Variants in CCT4 observed in about 807,000 individuals in gnomAD.
The protein encoded by CCT4 is chaperonin containing TCP1 subunit 4.
In CCT4, 17 loss-of-function variants were observed where a neutral mutation model predicts 62.5. The ratio of observed to expected loss-of-function variants is 0.27; its 90% confidence interval spans 0.19 to 0.41. The LOEUF (loss-of-function observed/expected upper bound fraction) is 0.41. Among genes scored for constraint, CCT4 ranks in the 10% least tolerant of loss-of-function variants. The pLI, the probability that CCT4 is intolerant of heterozygous loss-of-function variation, is 1.00. For missense variants in CCT4, 592 were observed against 659.2 expected, an observed-to-expected ratio of 0.90 and a Z score of 1.12; for synonymous variants, 250 against 229.9, an observed-to-expected ratio of 1.09 and a Z score of -0.79.
At position 61,888,442 on chromosome 2, in the gene CCT4, G is replaced by C; in HGVS notation, c.66C>G (p.Gly22=). The C allele has an allele frequency of 6.2e-7, 1 of 1,611,810 alleles. No homozygotes were observed. The highest frequency in any genetic ancestry group is 8.5e-7 in the Non-Finnish European group (1 of 1,179,302). Residue 22 remains glycine (G), a synonymous_variant, in exon 1 of 14, where the codon GGC becomes GGG. Transcript: ENST00000394440. ...CTGGCTTGTCGCGGTCCTGATAGGC[G>C]CCTTTCCCGCGGCCGCCGGCAGCCC... The part of the protein sequence containing the change: ...TAGAAGGRGK[G]AYQDRDKPAQ...
intron 4 of CCT4, among the ~76,000 whole-genome samples, chr2:61,879,918 CTG>C (rs1194194935): frequency 6.6e-6 from 1 of 152,026 alleles, no homozygotes; most frequent in Non-Finnish European, 1.5e-5. Flanking sequence ...TTAGTAAAGA[CTG>C]TGTTTCACTG....
rs764531226 is a variant in CCT4 at position 61,880,420 on chromosome 2, G to A, written c.271-26C>T. On this transcript the variant is annotated intron_variant, in intron 3 of 13. Transcript: ENST00000394440. ...CTAAGTGAACAGAAAATGCCAAGTT[G>A]CTCAATGAGAAATGACAGAACCCAG... The A allele has an allele frequency of 7.5e-6, 10 of 1,332,352 alleles. No homozygotes were observed. In the East Asian group the frequency reaches 2.3e-4, roughly 31 times the overall value. The allele number at this position is 1,332,352 out of a possible 1,614,324, so 82.5% of individuals were successfully genotyped here.
intron 13 of CCT4, 98 bp from the exon 14 acceptor site, chr2:61,868,804 G>A: frequency 1.2e-6 from 1 of 857,048 alleles, no homozygotes; most frequent in Non-Finnish European, 2.0e-6. Flanking sequence ...CCTGTATTAA[G>A]AACTGCTGTC....
At chr2:61,872,934 G>T in intron 10 of CCT4, 68 bp downstream of exon 10, 1 of 942,276 alleles carries the variant, frequency 1.1e-6, no homozygotes, top group South Asian at 1.4e-5. Context: ...CTCAAAAAAA[G>T]AAAAAAAACA....
At chr2:61,880,497 G>A (rs2272429) in intron 3 of CCT4, 103 bp from the exon 4 acceptor site, 264,110 of 686,712 alleles carry the variant, frequency 0.38, 51,874 homozygotes, top group Middle Eastern at 0.48. Context: ...ATTTGAAGAT[G>A]CAACATGATT....
At chr2:61,882,513 GTTTC>G (rs540345968) in intron 3 of CCT4, among the ~76,000 whole-genome samples, 106 of 151,356 alleles carry the variant, frequency 7.0e-4, no homozygotes, top group Middle Eastern at 3.5e-3. Context: ...GGTGACTTGT[GTTTC>G]TTTCTTTTTT....
chr2:61,884,090 A>G (rs1417390512), intron 2 of CCT4, among the ~76,000 whole-genome samples: 1 of 147,308 alleles, frequency 6.8e-6, no homozygotes, highest in African/African-American at 2.4e-5. Flanking sequence ...AGAGACCCAC[A>G]TTAAGATACA....
intron 12 of CCT4, among the ~76,000 whole-genome samples, chr2:61,871,830 A>C (rs1668890568): frequency 6.6e-6 from 1 of 152,244 alleles, no homozygotes; most frequent in Admixed American, 6.5e-5. Context: ...GAGGAAACTG[A>C]GGAACAGACT....
At chr2:61,886,908 C>T (rs150534328) in intron 1 of CCT4, among the ~76,000 whole-genome samples, 17 of 152,180 alleles carry the variant, frequency 1.1e-4, no homozygotes, top group Non-Finnish European at 1.8e-4. Context: ...TACAGGCCTA[C>T]GCCAACACAC....
At chr2:61,873,894 T>C (rs1668941114) in intron 8 of CCT4, among the ~76,000 whole-genome samples, 1 of 151,934 alleles carries the variant, frequency 6.6e-6, no homozygotes. Context: ...AGAGACAGGG[T>C]CTCCCTATGT....
chr2:61,871,511 A>C (rs879945211), intron 12 of CCT4, among the ~76,000 whole-genome samples: 2 of 152,172 alleles, frequency 1.3e-5, no homozygotes, highest in Non-Finnish European at 2.9e-5. Flanking sequence ...ATCTTCATAA[A>C]GCCTTCCCTA....
chr2:61,868,126 A>G lies in CCT4; in HGVS notation c.*566T>C, dbSNP rs1373978008. Reference sequence around the variant, plus strand: ...TTTGTTTAAGTAAGATTTGCTACATATATGTATACACTTTTATTTGCAGAA... The same window carrying G: ...TTTGTTTAAGTAAGATTTGCTACATGTATGTATACACTTTTATTTGCAGAA... On this transcript the variant is annotated 3_prime_UTR_variant, in exon 14 of 14. Transcript: ENST00000394440. The G allele has an allele frequency of 6.5e-6, 1 of 152,808 alleles. No individual in the cohort carries two copies. The highest frequency in any genetic ancestry group is 2.4e-5 in the African/African-American group (1 of 41,460). 9.5% of individuals were successfully genotyped at this position (152,808 alleles called of 1,614,324 possible).
chr2:61,874,209 T>G (rs2901428), intron 8 of CCT4, among the ~76,000 whole-genome samples: 60,384 of 151,856 alleles, frequency 0.4, 12,211 homozygotes, highest in African/African-American at 0.46. Context: ...TCAAGGTCAG[T>G]AGCTATTATA....
At chr2:61,879,279 T>C (rs1329693807) in intron 4 of CCT4, among the ~76,000 whole-genome samples, 1 of 126,708 alleles carries the variant, frequency 7.9e-6, no homozygotes, top group Admixed American at 8.4e-5. Context: ...TTTTTTTTTC[T>C]GAGACAGGGT....
At chr2:61,880,501 C>T (rs1558507003) in intron 3 of CCT4, 107 bp from the exon 4 acceptor site, 3 of 678,314 alleles carry the variant, frequency 4.4e-6, no homozygotes, top group East Asian at 2.8e-5. Context: ...GAAGATGCAA[C>T]ATGATTCCTG....
intron 3 of CCT4, among the ~76,000 whole-genome samples, chr2:61,881,668 T>C (rs372411609): frequency 1.9e-4 from 29 of 152,174 alleles, no homozygotes; most frequent in Admixed American, 1.9e-3. Flanking sequence ...ATTTTTTAAG[T>C]AAGCTCACAG....
chr2:61,872,650 G>A lies in CCT4; in HGVS notation c.1126-62C>T, dbSNP rs567730263. 9.8e-5 allele frequency: 154 copies of A among 1,575,524 alleles called. 1 individual carries two copies. The African/African-American group carries it at 1.2e-3, about 13-fold the overall frequency. The stretch of plus-strand genomic sequence containing the variant: ...GTCAAAAAAACCCCACACCCAGGCC[G>A]GGCACGGCGGCTCACGCCTGTAAAC... On this transcript the variant is annotated intron_variant, in intron 10 of 13. Coordinates refer to ENST00000394440, the MANE Select transcript of CCT4 (RefSeq NM_006430.4).
intron 5 of CCT4, among the ~76,000 whole-genome samples, chr2:61,878,426 C>T (rs553085447): frequency 1.1e-4 from 17 of 152,302 alleles, no homozygotes; most frequent in African/African-American, 3.6e-4. Context: ...TCTAGATCTA[C>T]TCTTTTCATC....
In CCT4 at chr2:61,878,937, A is replaced by G. The variant is rs748265559; in HGVS notation, c.454T>C (p.Ser152Pro). The change falls in exon 5 of 14, where the codon TCT (serine) becomes CCT (proline). Residue 152 changes from serine (S) to proline (P), a missense_variant. By Grantham distance (74) the Ser-to-Pro change is moderately conservative (BLOSUM62 -1). Coordinates refer to ENST00000394440, the MANE Select transcript of CCT4 (RefSeq NM_006430.4). ...CTGTCACTCAGTTCCACAGGTCGAG[A>G]CATGTCAGTCAAGATTTCAATGCCC... ...EKGIEILTDMSRPVELSDRET... is the reference protein window; with the variant it reads ...EKGIEILTDMPRPVELSDRET... 6.2e-7 allele frequency: 1 copy of G among 1,611,664 alleles called. No individual in the cohort carries two copies. Among genetic ancestry groups the G allele is most frequent in the African/African-American group, 1.3e-5 (1 of 74,894 alleles).
Sources: allele counts gnomAD v4.1 joint callset (sites outside exome capture counted in the v4.1 genomes callset), GRCh38; gene constraint gnomAD v4.1.1; transcripts MANE v1.5; gene names NCBI Gene and HGNC (gene_info 2026-07-23, HGNC 2026-07-21).